ABTB3: variants seen among roughly 807,000 people sequenced by gnomAD.
ABTB3 encodes ankyrin repeat- and BTB/POZ domain-containing protein 3.
At chr12:107,574,763 C>A in the ABTB3 span, among the ~76,000 whole-genome samples, 1 of 152,152 alleles carries the variant, frequency 6.6e-6, no homozygotes, top group Admixed American at 6.5e-5. Flanking sequence ...TCAGGCTGTG[C>A]CCCAGACTCT....
chr12:107,466,959 A>G, the ABTB3 span, among the ~76,000 whole-genome samples: 2 of 152,136 alleles, frequency 1.3e-5, no homozygotes, highest in Non-Finnish European at 2.9e-5. Context: ...CTGAAAGTCA[A>G]AGAATTTTGA....
the ABTB3 span, among the ~76,000 whole-genome samples, chr12:107,613,604 A>G: frequency 6.6e-6 from 1 of 152,128 alleles, no homozygotes; most frequent in Non-Finnish European, 1.5e-5. Flanking sequence ...CCCATCTCAT[A>G]TAGTTGTCAG....
the ABTB3 span, chr12:107,618,469 A>G: frequency 9.3e-7 from 1 of 1,074,712 alleles, no homozygotes. Flanking sequence ...GCACACATAC[A>G]CATGCAAAAC....
chr12:107,473,059 T>C, the ABTB3 span, among the ~76,000 whole-genome samples: 6,963 of 152,292 alleles, frequency 0.046, 510 homozygotes, highest in African/African-American at 0.16. Context: ...AGCAAGGGGC[T>C]GAGTGAGGAC....
chr12:107,536,135 AG>A, the ABTB3 span, among the ~76,000 whole-genome samples: 1 of 152,108 alleles, frequency 6.6e-6, no homozygotes, highest in African/African-American at 2.4e-5. Flanking sequence ...AACATATATT[AG>A]GGAAAGGACA....
chr12:107,413,362 G>A, the ABTB3 span, among the ~76,000 whole-genome samples: 4 of 152,192 alleles, frequency 2.6e-5, no homozygotes, highest in South Asian at 2.1e-4. Context: ...CTGAAGTTTG[G>A]CAAGTTCAAG....
chr12:107,625,712 G>A, the ABTB3 span, among the ~76,000 whole-genome samples: 660 of 152,108 alleles, frequency 4.3e-3, 9 homozygotes, highest in African/African-American at 0.015. Flanking sequence ...TGGGAGGGAT[G>A]CCTCATTATT....
At chr12:107,516,485 G>T in the ABTB3 span, among the ~76,000 whole-genome samples, 1 of 152,070 alleles carries the variant, frequency 6.6e-6, no homozygotes, top group Non-Finnish European at 1.5e-5. Context: ...GCCCACCTCG[G>T]CCTCCCAAAG....
chr12:107,533,488 C>G, the ABTB3 span, among the ~76,000 whole-genome samples: 1 of 151,942 alleles, frequency 6.6e-6, no homozygotes, highest in Non-Finnish European at 1.5e-5. Flanking sequence ...TTATTTCAGA[C>G]AAAAATAGAC....
chr12:107,622,436 C>G, the ABTB3 span, among the ~76,000 whole-genome samples: 1 of 152,180 alleles, frequency 6.6e-6, no homozygotes, highest in Non-Finnish European at 1.5e-5. Flanking sequence ...TGTTCCTTCT[C>G]CCTGCACTTT....
At chr12:107,363,099 C>A in the ABTB3 span, among the ~76,000 whole-genome samples, 1 of 152,208 alleles carries the variant, frequency 6.6e-6, no homozygotes, top group South Asian at 2.1e-4. Flanking sequence ...GAAGATCCAG[C>A]TAAAAGGCCA....
At chr12:107,431,335 G>A in the ABTB3 span, among the ~76,000 whole-genome samples, 8 of 152,162 alleles carry the variant, frequency 5.3e-5, no homozygotes, top group Admixed American at 5.2e-4. Flanking sequence ...TCCAGGCCAG[G>A]CATGGTGCCT....
the ABTB3 span, among the ~76,000 whole-genome samples, chr12:107,383,699 G>A: frequency 6.6e-6 from 1 of 152,156 alleles, no homozygotes; most frequent in African/African-American, 2.4e-5. Flanking sequence ...ATTGTCGACT[G>A]TTTGGAGCTT....
chr12:107,645,376 C>T, the ABTB3 span, among the ~76,000 whole-genome samples: 1 of 152,146 alleles, frequency 6.6e-6, no homozygotes, highest in Admixed American at 6.5e-5. Context: ...AGCTGCCCTG[C>T]GAGGTAGCCA....
At chr12:107,610,106 G>A in the ABTB3 span, 9 of 1,523,508 alleles carry the variant, frequency 5.9e-6, no homozygotes, top group Non-Finnish European at 7.2e-6. Context: ...CAAATGCAAT[G>A]TCCCAGGGTG....
the ABTB3 span, among the ~76,000 whole-genome samples, chr12:107,455,870 A>G: frequency 2.6e-5 from 4 of 152,136 alleles, no homozygotes; most frequent in Non-Finnish European, 4.4e-5. Flanking sequence ...TCGCATGGCC[A>G]TGCTAGGGCA....
At chr12:107,589,318 A>G in the ABTB3 span, among the ~76,000 whole-genome samples, 1 of 152,210 alleles carries the variant, frequency 6.6e-6, no homozygotes, top group Non-Finnish European at 1.5e-5. Flanking sequence ...CATTTGGGAT[A>G]TGGTTGGTAG....
At chr12:107,423,697 C>G in the ABTB3 span, among the ~76,000 whole-genome samples, 2 of 152,200 alleles carry the variant, frequency 1.3e-5, no homozygotes, top group Non-Finnish European at 2.9e-5. Flanking sequence ...ATAGCTGAGT[C>G]ACACTGAATT....
chr12:107,532,658 A>G, the ABTB3 span, among the ~76,000 whole-genome samples: 2 of 152,264 alleles, frequency 1.3e-5, no homozygotes, highest in African/African-American at 4.8e-5. Flanking sequence ...TGACATTCAG[A>G]TAAGATAGCT....
Sources: gnomAD v4.1 joint callset for allele counts (sites outside exome capture counted in the v4.1 genomes callset) on GRCh38, gnomAD v4.1.1 for gene constraint, MANE v1.5 for transcripts, NCBI Gene and HGNC (gene_info 2026-07-23, HGNC 2026-07-21) for gene names.